The following ZNF407 variants were observed in gnomAD, a reference collection of about 807,000 sequenced individuals.
ZNF407 encodes zinc finger protein 407.
Under a neutral mutation model 131.2 loss-of-function variants are expected in ZNF407, and 17 were observed. The ratio of observed to expected loss-of-function variants is 0.13; its 90% CI spans 0.09 to 0.19. The LOEUF (loss-of-function observed/expected upper bound fraction) is 0.19, where lower values mean the gene tolerates loss of function less well. Ranked by LOEUF, ZNF407 falls within the 10% of genes least tolerant of loss-of-function variation. ZNF407 has a pLI of 1.00. For synonymous variants in ZNF407, 1,156 were observed against 1,062.0 expected (o/e 1.09, Z -1.72); for missense variants, 2,681 against 2,830.6 (o/e 0.95, Z 1.20).
chr18:74,830,887 T>G (rs543564189), intron 4 of ZNF407, among the ~76,000 whole-genome samples: 116 of 152,266 alleles, frequency 7.6e-4, no homozygotes, highest in Admixed American at 1.3e-3. Flanking sequence ...TGTAATTTTT[T>G]GTCATTTAAC....
chr18:74,753,252 G>A (rs904873120), intron 3 of ZNF407, among the ~76,000 whole-genome samples: 5 of 151,678 alleles, frequency 3.3e-5, no homozygotes, highest in Non-Finnish European at 4.4e-5. Context: ...AGACTTAGCC[G>A]AAGTTGCTTA....
intron 4 of ZNF407, among the ~76,000 whole-genome samples, chr18:74,790,067 A>C (rs1290925092): frequency 6.6e-6 from 1 of 152,178 alleles, no homozygotes; most frequent in Admixed American, 6.5e-5. Context: ...ACATTAGAGA[A>C]TAAAAGGTAA....
intron 4 of ZNF407, among the ~76,000 whole-genome samples, chr18:74,859,395 T>C (rs1970905853): frequency 6.6e-6 from 1 of 152,146 alleles, no homozygotes; most frequent in Non-Finnish European, 1.5e-5. Context: ...ATTTAACGTG[T>C]AACACTGGAA....
chr18:75,058,021 C>G (rs1055864659), intron 8 of ZNF407, among the ~76,000 whole-genome samples: 13 of 152,132 alleles, frequency 8.5e-5, no homozygotes, highest in African/African-American at 3.1e-4. Context: ...AAGGAAGGAG[C>G]AGCACACACA....
At chr18:74,728,457 C>G (rs1485103589) in intron 3 of ZNF407, among the ~76,000 whole-genome samples, 1 of 152,170 alleles carries the variant, frequency 6.6e-6, no homozygotes. Context: ...GTTTGAAACA[C>G]AGGCTCTGGG....
At chr18:75,033,904 C>A (rs1480521322) in intron 8 of ZNF407, among the ~76,000 whole-genome samples, 1 of 152,064 alleles carries the variant, frequency 6.6e-6, no homozygotes, top group African/African-American at 2.4e-5. Context: ...GAAAAATAAT[C>A]GCATTAAACT....
chr18:75,009,729 A>G (rs7240969), intron 8 of ZNF407, among the ~76,000 whole-genome samples: 112,972 of 151,610 alleles, frequency 0.75, 43,196 homozygotes, highest in Non-Finnish European at 0.83. Context: ...AAACCCGGAC[A>G]TAGATAGCTT....
rs1973665919 is a variant in ZNF407, at chr18:75,063,507, T to C, written c.5786T>C (p.Ile1929Thr). Residue 1929 changes from isoleucine to threonine, a missense_variant, in exon 9 of 9, where the codon ATC (isoleucine) becomes ACC (threonine). By Grantham distance (89) the Ile-to-Thr change is moderately conservative. This residue lies in a region of ZNF407 where 620 missense variants were observed against 583.1 expected (regional missense o/e 1.06). Transcript: ENST00000299687. This position sits in a 1 kb window ranked among gnomAD's most constrained non-coding sequence, Gnocchi z 6.6. Reference sequence around the variant, plus strand: ...GTAGGCAGCGTGGTGCCCGGACCCATCCTCCCCGAGCAGCTGGCTGATGGA... The same window carrying C: ...GTAGGCAGCGTGGTGCCCGGACCCACCCTCCCCGAGCAGCTGGCTGATGGA... The part of the protein sequence containing the change: ...AHVGSVVPGP[I>T]LPEQLADGAT... 4 of 1,587,314 alleles carry C rather than the reference T, an allele frequency of 2.5e-6. No homozygotes were observed. Among genetic ancestry groups the C allele is most frequent in the Non-Finnish European group, 3.4e-6 (4 of 1,168,492 alleles).
chr18:74,830,599 A>G (rs920433888), intron 4 of ZNF407, among the ~76,000 whole-genome samples: 1 of 152,160 alleles, frequency 6.6e-6, no homozygotes, highest in Non-Finnish European at 1.5e-5. Flanking sequence ...TTTTTAATTG[A>G]CGAATAATGT....
chr18:74,962,406 C>A (rs983701170), intron 8 of ZNF407, among the ~76,000 whole-genome samples: 1 of 152,256 alleles, frequency 6.6e-6, no homozygotes, highest in Non-Finnish European at 1.5e-5. Context: ...TGCATACTGA[C>A]ATGGCGTGGG....
chr18:74,787,292 C>T (rs1040840986), intron 4 of ZNF407, among the ~76,000 whole-genome samples: 6 of 152,190 alleles, frequency 3.9e-5, no homozygotes, highest in Non-Finnish European at 7.4e-5. Flanking sequence ...GATACACCCT[C>T]ATGTTCCACC....
intron 3 of ZNF407, among the ~76,000 whole-genome samples, chr18:74,715,125 A>G (rs1445169747): frequency 6.6e-6 from 1 of 151,972 alleles, no homozygotes; most frequent in Non-Finnish European, 1.5e-5. Flanking sequence ...CTTTCTTTTT[A>G]CTTGTACTTA....
chr18:74,807,592 T>G (rs936713727), intron 4 of ZNF407, among the ~76,000 whole-genome samples: 1 of 152,204 alleles, frequency 6.6e-6, no homozygotes, highest in Non-Finnish European at 1.5e-5. Context: ...TAATTTCAAG[T>G]GTAGAATAAA....
Position 74,680,358 on chromosome 18 carries a change from A to G in ZNF407, c.4802+39236A>G, listed in dbSNP as rs1599064650. ...CAGGAGGTAGAGGCTGCAGTGAGCCATGATTGCGCCACTGCACTCCAGCCT... is the reference window on the plus strand; with the variant it reads ...CAGGAGGTAGAGGCTGCAGTGAGCCGTGATTGCGCCACTGCACTCCAGCCT... On this transcript the variant is annotated intron_variant, in intron 3 of 8. Coordinates refer to ENST00000299687, the MANE Select transcript of ZNF407 (RefSeq NM_017757.3). 2.0e-5 allele frequency among the ~76,000 whole-genome samples: 3 copies of G among 151,162 alleles called. No homozygotes were observed. In the Admixed American group the frequency reaches 2.0e-4, roughly 10 times the overall value.
At chr18:74,963,686 C>G (rs948290804) in intron 8 of ZNF407, among the ~76,000 whole-genome samples, 2 of 152,186 alleles carry the variant, frequency 1.3e-5, no homozygotes, top group Non-Finnish European at 1.5e-5. Flanking sequence ...TTTTTACATT[C>G]AGCTTTTTAA....
intron 8 of ZNF407, among the ~76,000 whole-genome samples, chr18:75,009,104 G>A (rs1328815358): frequency 6.6e-6 from 1 of 152,052 alleles, no homozygotes; most frequent in Non-Finnish European, 1.5e-5. Context: ...TACTTTCAGG[G>A]AATTGGCATC....
intron 8 of ZNF407, among the ~76,000 whole-genome samples, chr18:74,975,606 A>C (rs1972519401): frequency 6.6e-6 from 1 of 152,176 alleles, no homozygotes; most frequent in Admixed American, 6.5e-5. Context: ...CACTTTCCAT[A>C]CTAGGTCTAG....
chr18:74,623,205 T>G (rs57377990), intron 1 of ZNF407, among the ~76,000 whole-genome samples: 16,813 of 151,706 alleles, frequency 0.11, 1,038 homozygotes, highest in Non-Finnish European at 0.14. Context: ...TGTATGTCTG[T>G]GAATATGTGA....
In ZNF407 at chr18:75,063,282, G is replaced by C. The variant is rs973001192; in HGVS notation, c.5561G>C (p.Arg1854Thr). The change falls in exon 9 of 9, where the codon AGG becomes ACG. Residue 1854 changes from arginine to threonine, a missense_variant. Physicochemically the swap from Arg to Thr is moderately conservative, Grantham distance 71. Transcript: ENST00000299687. This position sits in a 1 kb window ranked among gnomAD's most constrained non-coding sequence, Gnocchi z 6.6. ...LVKEKPLRSS[R>T]RPAPPPEQVQ... ...AAGGAGAAGCCCCTCAGAAGCAGCA[G>C]GAGGCCAGCGCCGCCCCCTGAGCAG... The C allele has an allele frequency of 1.2e-6, 2 of 1,613,608 alleles. No homozygotes were observed. The highest frequency in any genetic ancestry group is 1.7e-6 in the Non-Finnish European group (2 of 1,179,884).
Sources: allele counts gnomAD v4.1 joint callset (sites outside exome capture counted in the v4.1 genomes callset), GRCh38; gene constraint gnomAD v4.1.1; regional missense constraint gnomAD v4.1.1; non-coding constraint Gnocchi (gnomAD v3.1); transcripts MANE v1.5; gene names NCBI Gene and HGNC (gene_info 2026-07-23, HGNC 2026-07-21).